The following HOPX variants were observed in gnomAD, a reference collection of about 807,000 sequenced individuals.
HOPX encodes the protein homeodomain-only protein.
In HOPX, 5 loss-of-function variants were observed where a neutral mutation model predicts 11.8. The ratio of observed to expected loss-of-function variants is 0.43; its 90% CI spans 0.22 to 0.89. The LOEUF is 0.89. Ranked by LOEUF, HOPX falls within the 40% of genes least tolerant of loss-of-function variation. The pLI is 0.28. For synonymous variants in HOPX, 49 were observed against 49.7 expected (o/e 0.99, Z 0.06); for missense variants, 119 against 120.0 (o/e 0.99, Z 0.04).
In HOPX at chr4:56,657,806, A is replaced by T; in HGVS notation, c.11T>A (p.Phe4Tyr). ...CAGTCTTCTTCTGTAACAGCCCAGG[A>T]AAATGAGCATAGGAAGACTAACTTT... The part of the protein sequence containing the change: MLI[F>Y]LGCYRRRLEE... The change falls in exon 2 of 4, where the codon TTC (phenylalanine) becomes TAC (tyrosine). Residue 4 changes from phenylalanine to tyrosine, a missense_variant. Physicochemically the swap from Phe to Tyr is conservative, Grantham distance 22. Transcript: ENST00000420433. The T allele has an allele frequency of 7.0e-7, 1 of 1,418,544 alleles. No individual in the cohort carries two copies. The highest frequency in any genetic ancestry group is 9.8e-7 in the Non-Finnish European group (1 of 1,025,426). The allele number at this position is 1,418,544 out of a possible 1,614,324, so 87.9% of individuals were successfully genotyped here.
Position 56,650,503 on chromosome 4 carries a change from G to A in HOPX, c.199-1706C>T, listed in dbSNP as rs76038569. The A allele has an allele frequency of 2.8e-3, 1,652 of 588,836 alleles. 31 individuals carry two copies. The African/African-American group carries it at 0.029, about 10-fold the overall frequency. The allele number at this position is 588,836 out of a possible 1,614,324, so 36.5% of individuals were successfully genotyped here. Reference sequence around the variant, plus strand: ...TGTGAGAATCACAGGGGGAGAAGGAGCAAGGCCTAGAGGAGAGGCTGTTGA... The same window carrying A: ...TGTGAGAATCACAGGGGGAGAAGGAACAAGGCCTAGAGGAGAGGCTGTTGA... On this transcript the variant is annotated intron_variant, in intron 3 of 3. Coordinates refer to ENST00000420433, the MANE Select transcript of HOPX (RefSeq NM_032495.6).
chr4:56,660,083 A>C lies in HOPX; in HGVS notation c.-83-2184T>G, dbSNP rs1718022754. Reference sequence around the variant, plus strand: ...TTGTGATGAGATCAGAGTTTAAGAAAGCAAATCATTGAAAGGAAAACTCCT... The same window carrying C: ...TTGTGATGAGATCAGAGTTTAAGAACGCAAATCATTGAAAGGAAAACTCCT... On this transcript the variant is annotated intron_variant, in intron 1 of 3. Transcript: ENST00000420433. Among the ~76,000 whole-genome samples the C allele has an allele frequency of 2.0e-5, 3 of 152,348 alleles. No homozygotes were observed. The South Asian group carries it at 6.2e-4, about 32-fold the overall frequency.
chr4:56,650,548 T>A, intron 3 of HOPX: 1 of 874,294 alleles, frequency 1.1e-6, no homozygotes, highest in Middle Eastern at 2.6e-4. Context: ...GGGGTAAGGC[T>A]CTGCAGGACT....
rs1718652515 is a variant in HOPX, at chr4:56,669,998, A to G, written c.-84+11257T>C. On this transcript the variant is annotated intron_variant, in intron 1 of 3. Coordinates refer to ENST00000420433, the MANE Select transcript of HOPX (RefSeq NM_032495.6). ...TAAAGGCAAGAGGAAAATAGCTTCA[A>G]ATTTCCTGATCTTTCATTTTTATTG... Among the ~76,000 whole-genome samples, 6 of 152,214 alleles carry G rather than the reference A, an allele frequency of 3.9e-5. No individual in the cohort carries two copies. The South Asian group carries it at 1.2e-3, about 32-fold the overall frequency.
rs1005979731 is a variant in HOPX at position 56,648,540 on chromosome 4, T to C, written c.*180A>G. The C allele has an allele frequency of 6.7e-6, 3 of 449,770 alleles. No individual in the cohort carries two copies. The highest frequency in any genetic ancestry group is 1.2e-5 in the Non-Finnish European group (3 of 248,428). 27.9% of individuals were successfully genotyped at this position (449,770 alleles called of 1,614,324 possible). On this transcript the variant is annotated 3_prime_UTR_variant, in exon 4 of 4. Coordinates refer to ENST00000420433, the MANE Select transcript of HOPX (RefSeq NM_032495.6). The stretch of plus-strand genomic sequence containing the variant: ...ACAGAAGATACACATAGCTTCCTAT[T>C]GTTATTTTCTTTTCTAATTATGTAC...
intron 1 of HOPX, among the ~76,000 whole-genome samples, chr4:56,670,148 C>T (rs970668597): frequency 6.6e-6 from 1 of 152,150 alleles, no homozygotes; most frequent in Non-Finnish European, 1.5e-5. Flanking sequence ...CATTACATCT[C>T]CAACAGAGTC....
chr4:56,668,823 G>GT (rs1400866122), intron 1 of HOPX, among the ~76,000 whole-genome samples: 1 of 152,176 alleles, frequency 6.6e-6, no homozygotes, highest in Admixed American at 6.5e-5. Flanking sequence ...GGCACTGGGT[G>GT]TGGAGTCAGG....
At chr4:56,660,512 T>C (rs1718053345) in intron 1 of HOPX, among the ~76,000 whole-genome samples, 1 of 152,228 alleles carries the variant, frequency 6.6e-6, no homozygotes, top group Non-Finnish European at 1.5e-5. Flanking sequence ...TTTATATTTT[T>C]CTGCTTTTTC....
intron 3 of HOPX, among the ~76,000 whole-genome samples, chr4:56,654,317 T>C (rs1238793794): frequency 6.6e-6 from 1 of 152,204 alleles, no homozygotes; most frequent in East Asian, 1.9e-4. Flanking sequence ...TGCTGCTTTA[T>C]AGGTAAGATG....
Position 56,654,628 on chromosome 4 carries a change from T to A in HOPX, c.198+1229A>T, listed in dbSNP as rs545686738. On this transcript the variant is annotated intron_variant, in intron 3 of 3. Transcript: ENST00000420433. Reference sequence around the variant, plus strand: ...TGCTAAAAATAGATATGTTTGCCTTTCTGTTTGACCTGTAAATGACAGGAT... The same window carrying A: ...TGCTAAAAATAGATATGTTTGCCTTACTGTTTGACCTGTAAATGACAGGAT... Among the ~76,000 whole-genome samples, 5 of 152,310 alleles carry A rather than the reference T, an allele frequency of 3.3e-5. No individual in the cohort carries two copies. The South Asian group carries it at 1.0e-3, about 32-fold the overall frequency.
upstream of HOPX, chr4:56,681,408 T>C: frequency 1.0e-6 from 1 of 985,726 alleles, no homozygotes; most frequent in Non-Finnish European, 1.2e-6. Flanking sequence ...CTGAAAAACC[T>C]GCAGCGTGGG....
Position 56,655,945 on chromosome 4 carries a change from T to G in HOPX, c.110A>C (p.Tyr37Ser). 6.2e-7 allele frequency: 1 copy of G among 1,611,548 alleles called. No homozygotes were observed. The highest frequency in any genetic ancestry group is 1.3e-5 in the African/African-American group (1 of 74,862). ...PTEDQVEILE[Y>S]NFNKVDKHPD... ...GTGCTTGTCGACCTTGTTGAAGTTG[T>G]ACTCCAGGATTTCCACCTGGTCCTC... The change falls in exon 3 of 4, where the codon TAC (tyrosine) becomes TCC (serine). Residue 37 changes from tyrosine (Y) to serine (S), a missense_variant. Coordinates refer to ENST00000420433, the MANE Select transcript of HOPX (RefSeq NM_032495.6).
At position 56,656,017 on chromosome 4, in the gene HOPX, G is replaced by C. The variant is rs746316656; in HGVS notation, c.43-5C>G. On this transcript the variant is annotated splice_polypyrimidine_tract_variant and splice_region_variant and intron_variant, in intron 2 of 3. Transcript: ENST00000420433. ...CGCCGACATGGTCCCTGCGCGCTGCGGGGCAGGGAGAAGCGGCGGCGGTGA... is the reference window on the plus strand; with the variant it reads ...CGCCGACATGGTCCCTGCGCGCTGCCGGGCAGGGAGAAGCGGCGGCGGTGA... 2.2e-5 allele frequency: 34 copies of C among 1,570,532 alleles called. No homozygotes were observed. Among genetic ancestry groups the C allele is most frequent in the Admixed American group, 1.8e-5 (1 of 55,938 alleles).
chr4:56,658,324 GCTT>G (rs1368361018), intron 1 of HOPX, among the ~76,000 whole-genome samples: 2 of 152,096 alleles, frequency 1.3e-5, no homozygotes, highest in Admixed American at 6.5e-5. Context: ...GATTTCTGTG[GCTT>G]CTTGTTACAG....
In HOPX at chr4:56,648,916, C is replaced by A. The variant is rs1230705570; in HGVS notation, c.199-119G>T. On this transcript the variant is annotated intron_variant, in intron 3 of 3. Transcript: ENST00000420433. ...GAAAGGAGAGAATCAAGGAATGTTC[C>A]CATAGGGATGGTTCTCACTGTGACA... 20 of 713,342 alleles carry A rather than the reference C, an allele frequency of 2.8e-5. No homozygotes were observed. The South Asian group carries it at 3.5e-4, about 13-fold the overall frequency. The allele number at this position is 713,342 out of a possible 1,614,324, so 44.2% of individuals were successfully genotyped here.
At chr4:56,669,523 G>T (rs988028145) in intron 1 of HOPX, among the ~76,000 whole-genome samples, 4 of 152,114 alleles carry the variant, frequency 2.6e-5, no homozygotes, top group African/African-American at 9.7e-5. Flanking sequence ...GCCAGATGAG[G>T]TGGTGGGGGC....
Position 56,680,351 on chromosome 4 carries a change from T to C in HOPX, c.-84+904A>G, listed in dbSNP as rs547408676. The stretch of plus-strand genomic sequence containing the variant: ...TCTATTCCTATCTGCTTTTCATGAA[T>C]CTGTTGTTTAATTATAAATCCTTTA... On this transcript the variant is annotated intron_variant, in intron 1 of 3. Transcript: ENST00000420433. 3 of 152,270 alleles carry C rather than the reference T, an allele frequency of 2.0e-5. No homozygotes were observed. The East Asian group carries it at 5.8e-4, about 29-fold the overall frequency. 9.4% of individuals were successfully genotyped at this position (152,270 alleles called of 1,614,324 possible). A position where few individuals can be genotyped will look rare whatever the true frequency, so the allele number is the denominator to read the frequency against.
At chr4:56,657,618 C>T (rs1717843123) in intron 2 of HOPX, among the ~76,000 whole-genome samples, 157 bp downstream of exon 2, 1 of 152,162 alleles carries the variant, frequency 6.6e-6, no homozygotes, top group Non-Finnish European at 1.5e-5. Context: ...TTAGGGGATT[C>T]TGTGCTTTCC....
chr4:56,674,859 C>T (rs1361452039), intron 1 of HOPX, among the ~76,000 whole-genome samples: 1 of 150,584 alleles, frequency 6.6e-6, no homozygotes, highest in Non-Finnish European at 1.5e-5. Flanking sequence ...GCAACCTTCC[C>T]GCCTCAGTCT....
Sources: allele counts gnomAD v4.1 joint callset (sites outside exome capture counted in the v4.1 genomes callset), GRCh38; gene constraint gnomAD v4.1.1; transcripts MANE v1.5; gene names NCBI Gene and HGNC (gene_info 2026-07-23, HGNC 2026-07-21).